The following DENND1A variants were observed in gnomAD, a reference collection of about 807,000 sequenced individuals.
The protein encoded by DENND1A is DENN domain-containing protein 1A.
DENND1A carries 51 observed loss-of-function variants against 113.7 expected under a neutral mutation model. The ratio of observed to expected loss-of-function variants is 0.45; its 90% CI spans 0.36 to 0.57. DENND1A has a LOEUF of 0.57. Among genes scored for constraint, DENND1A ranks in the 20% least tolerant of loss-of-function variants. The pLI, the probability that DENND1A is intolerant of heterozygous loss-of-function variation, is 0.00. For missense variants in DENND1A, 1,258 were observed against 1,395.9 expected, an observed-to-expected ratio of 0.90 and a Z score of 1.57; for synonymous variants, 565 against 570.8, an observed-to-expected ratio of 0.99 and a Z score of 0.14.
At chr9:123,846,105 T>C (rs7032690) in intron 2 of DENND1A, among the ~76,000 whole-genome samples, 11,069 of 152,190 alleles carry the variant, frequency 0.073, 798 homozygotes, top group African/African-American at 0.19. Flanking sequence ...TCAATATAAT[T>C]AGGCATTAGA....
intron 13 of DENND1A, among the ~76,000 whole-genome samples, chr9:123,537,428 A>G (rs189634341): frequency 2.0e-4 from 31 of 152,104 alleles, no homozygotes; most frequent in African/African-American, 5.5e-4. Context: ...GATTTTAAAG[A>G]AGGTGAAAAA....
At position 123,379,892 on chromosome 9, in the gene DENND1A, G is replaced by A. The variant is rs115901487; in HGVS notation, c.*1540C>T. ...CCCAGGGTGCGAAACTGGAATCTAT[G>A]CTGAAACACCTAAGTGCCCAGGAGG... On this transcript the variant is annotated 3_prime_UTR_variant, in exon 24 of 24. Coordinates refer to ENST00000394215, the MANE Select transcript of DENND1A (RefSeq NM_001352964.2). 20 of 152,308 alleles carry A rather than the reference G, an allele frequency of 1.3e-4. No homozygotes were observed. Among genetic ancestry groups the A allele is most frequent in the Non-Finnish European group, 2.9e-5 (2 of 68,160 alleles). The allele number at this position is 152,308 out of a possible 1,614,324, so 9.4% of individuals were successfully genotyped here. A position where few individuals can be genotyped will look rare whatever the true frequency, so the allele number is the denominator to read the frequency against.
intron 5 of DENND1A, among the ~76,000 whole-genome samples, chr9:123,682,330 C>G (rs1052456630): frequency 2.0e-5 from 3 of 152,122 alleles, no homozygotes; most frequent in Non-Finnish European, 4.4e-5. Context: ...TGCGGCAGAG[C>G]TGCTTGTGTT....
At chr9:123,455,102 G>A (rs1342987148) in intron 15 of DENND1A, among the ~76,000 whole-genome samples, 3 of 152,290 alleles carry the variant, frequency 2.0e-5, no homozygotes, top group East Asian at 1.9e-4. Flanking sequence ...GATTACAGTC[G>A]TGAGCCACCA....
Position 123,833,090 on chromosome 9 carries a change from G to A in DENND1A, c.89-40460C>T, listed in dbSNP as rs182237925. Among the ~76,000 whole-genome samples, 15 of 129,774 alleles carry A rather than the reference G, an allele frequency of 1.2e-4. No homozygotes were observed. The East Asian group carries it at 1.8e-3, about 15-fold the overall frequency. The allele number at this position is 129,774 out of a possible 152,430, so 85.1% of individuals were successfully genotyped here. A position where few individuals can be genotyped will look rare whatever the true frequency, so the allele number is the denominator to read the frequency against. On this transcript the variant is annotated intron_variant, in intron 2 of 23. Coordinates refer to ENST00000394215, the MANE Select transcript of DENND1A (RefSeq NM_001352964.2). ...CAGTGTGCTATGATTGCGCCACTGC[G>A]CTCCGGTCTGAACGATGGTGAGACC...
chr9:123,632,466 G>T (rs1018491502), intron 9 of DENND1A, among the ~76,000 whole-genome samples: 26 of 152,152 alleles, frequency 1.7e-4, no homozygotes, highest in African/African-American at 6.3e-4. Context: ...GGTGTTGAGT[G>T]AGTGGAGAAT....
chr9:123,762,402 C>G (rs1279203788), intron 4 of DENND1A, among the ~76,000 whole-genome samples: 2 of 152,188 alleles, frequency 1.3e-5, no homozygotes, highest in Non-Finnish European at 2.9e-5. Flanking sequence ...TTTTAAATGC[C>G]TATCAGCCAT....
chr9:123,551,808 C>T (rs1056350305), intron 13 of DENND1A, among the ~76,000 whole-genome samples: 4 of 152,152 alleles, frequency 2.6e-5, no homozygotes, highest in African/African-American at 9.7e-5. Context: ...GCCGGGCACC[C>T]AGCCTCCCCA....
intron 13 of DENND1A, among the ~76,000 whole-genome samples, chr9:123,533,264 T>C (rs1179371386): frequency 1.3e-5 from 2 of 152,254 alleles, no homozygotes; most frequent in Non-Finnish European, 2.9e-5. Context: ...GGTACACATT[T>C]TGAGAATGCT....
chr9:123,384,109 G>A (rs963312815), intron 22 of DENND1A, among the ~76,000 whole-genome samples, 196 bp from the exon 23 acceptor site: 5 of 152,230 alleles, frequency 3.3e-5, no homozygotes, highest in Non-Finnish European at 5.9e-5. Context: ...GATGGGCCTG[G>A]GGCTGTGAAC....
rs143737492 is a variant in DENND1A, at chr9:123,382,237, C to G, written c.2408G>C (p.Arg803Pro). The stretch of plus-strand genomic sequence containing the variant: ...TGGACTCAGGGCAGCTCGCCTGTCC[C>G]GATCCGTCTGCAGCCGCTCTGAGAC... ...GDVSERLQTDRDRRAALSPGL... is the reference protein window; with the variant it reads ...GDVSERLQTDPDRRAALSPGL... The change falls in exon 24 of 24, where the codon CGG (arginine) becomes CCG (proline). Residue 803 changes from arginine (R) to proline (P), a missense_variant. Coordinates refer to ENST00000394215, the MANE Select transcript of DENND1A (RefSeq NM_001352964.2). The G allele has an allele frequency of 6.2e-7, 1 of 1,609,502 alleles. No individual in the cohort carries two copies. The highest frequency in any genetic ancestry group is 1.1e-5 in the South Asian group (1 of 90,862).
intron 10 of DENND1A, among the ~76,000 whole-genome samples, chr9:123,617,305 C>T (rs1281386373): frequency 2.0e-5 from 3 of 152,202 alleles, no homozygotes; most frequent in Admixed American, 2.0e-4. Flanking sequence ...GTGGTTTCGA[C>T]AGCAAGAGCA....
chr9:123,709,841 C>G (rs2066467499), intron 5 of DENND1A, among the ~76,000 whole-genome samples: 1 of 152,074 alleles, frequency 6.6e-6, no homozygotes, highest in African/African-American at 2.4e-5. Context: ...GACAAAGGAT[C>G]CAAAATTCAC....
chr9:123,383,398 C>T (rs538185805), intron 23 of DENND1A, among the ~76,000 whole-genome samples: 6 of 152,184 alleles, frequency 3.9e-5, no homozygotes, highest in Non-Finnish European at 8.8e-5. Flanking sequence ...GCAGCACCCG[C>T]CCCCCCGTCT....
intron 5 of DENND1A, among the ~76,000 whole-genome samples, chr9:123,750,135 G>A (rs2069881535): frequency 6.6e-6 from 1 of 152,160 alleles, no homozygotes; most frequent in Non-Finnish European, 1.5e-5. Flanking sequence ...TTCCAACTGC[G>A]CAGCTTCCCA....
intron 13 of DENND1A, among the ~76,000 whole-genome samples, chr9:123,507,080 T>C (rs970555944): frequency 6.6e-6 from 1 of 152,116 alleles, no homozygotes; most frequent in Non-Finnish European, 1.5e-5. Context: ...TCCCAGCTAC[T>C]TGGGAGGCTG....
At chr9:123,902,849 A>G (rs1851920379) in intron 1 of DENND1A, among the ~76,000 whole-genome samples, 1 of 151,814 alleles carries the variant, frequency 6.6e-6, no homozygotes, top group South Asian at 2.1e-4. Context: ...TGATATCAAA[A>G]TCCGACAAGA....
intron 13 of DENND1A, among the ~76,000 whole-genome samples, chr9:123,540,784 C>T (rs1483335267): frequency 6.6e-6 from 1 of 152,200 alleles, no homozygotes; most frequent in African/African-American, 2.4e-5. Context: ...AGTCACCACC[C>T]TGACACATTG....
chr9:123,386,857 G>A (rs1273980602), intron 22 of DENND1A, among the ~76,000 whole-genome samples: 2 of 152,254 alleles, frequency 1.3e-5, no homozygotes, highest in Non-Finnish European at 2.9e-5. Context: ...ATCCCAGGGG[G>A]AGGGACCTGA....
Sources: allele counts gnomAD v4.1 joint callset (sites outside exome capture counted in the v4.1 genomes callset), GRCh38; gene constraint gnomAD v4.1.1; transcripts MANE v1.5; gene names NCBI Gene and HGNC (gene_info 2026-07-23, HGNC 2026-07-21).